TXN: variants seen among roughly 807,000 people sequenced by gnomAD.
TXN encodes the protein ADF.
In TXN, 10 loss-of-function variants were observed where a neutral mutation model predicts 16.5. That is an observed-to-expected ratio of 0.61 (90% CI 0.37 to 1.03). TXN has a LOEUF of 1.03. Among genes scored for constraint, TXN ranks in the 50% least tolerant of loss-of-function variants. TXN has a pLI of 0.01. For synonymous variants in TXN, 35 were observed against 39.4 expected, an observed-to-expected ratio of 0.89 and a Z score of 0.42; for missense variants, 71 against 122.5, an observed-to-expected ratio of 0.58 and a Z score of 1.98.
chr9:110,249,114 G>T (rs1457777754), intron 3 of TXN, among the ~76,000 whole-genome samples: 1 of 100,050 alleles, frequency 1.0e-5, no homozygotes, highest in African/African-American at 4.1e-5. Flanking sequence ...GTGACAGAGT[G>T]AACTCCATCT....
At chr9:110,255,550 A>G (rs1026625299) in intron 1 of TXN, among the ~76,000 whole-genome samples, 1 of 152,172 alleles carries the variant, frequency 6.6e-6, no homozygotes, top group African/African-American at 2.4e-5. Context: ...AAACCCACCG[A>G]CTGAGGGTGA....
intron 3 of TXN, among the ~76,000 whole-genome samples, chr9:110,249,024 A>T (rs1030551894): frequency 6.8e-6 from 1 of 146,474 alleles, no homozygotes; most frequent in African/African-American, 2.5e-5. Context: ...GCTACCCAGG[A>T]GGCTGAGACA....
At chr9:110,245,654 A>ATATATATATT (rs1232332404) in intron 3 of TXN, among the ~76,000 whole-genome samples, 1 of 21,784 alleles carries the variant, frequency 4.6e-5, no homozygotes, top group Non-Finnish European at 7.5e-5. Flanking sequence ...ATATATATAT[A>ATATATATATT]TTTTTTTTTT....
At chr9:110,252,245 A>AAAAAAAAAAAAAAAG (rs199937630) in intron 1 of TXN, among the ~76,000 whole-genome samples, 15 of 136,194 alleles carry the variant, frequency 1.1e-4, no homozygotes, top group East Asian at 2.4e-4. Context: ...AAAAAAAAAA[A>AAAAAAAAAAAAAAAG]GCTATGACTT....
chr9:110,249,845 G>A (rs1395463529), intron 3 of TXN, among the ~76,000 whole-genome samples: 2 of 152,184 alleles, frequency 1.3e-5, no homozygotes, highest in East Asian at 3.8e-4. Flanking sequence ...CAAGGAAGAG[G>A]AGTGACTGGC....
chr9:110,248,037 A>T (rs920617125), intron 3 of TXN, among the ~76,000 whole-genome samples: 3 of 152,206 alleles, frequency 2.0e-5, no homozygotes, highest in African/African-American at 7.2e-5. Context: ...AGTCTTTTTA[A>T]AAAAAGCTTA....
chr9:110,252,400 C>CTCATCACAAAG (rs989847349), intron 1 of TXN, among the ~76,000 whole-genome samples: 2 of 152,200 alleles, frequency 1.3e-5, no homozygotes. Context: ...TGAGATCACA[C>CTCATCACAAAG]GTTTACCAAC....
Position 110,244,236 on chromosome 9 carries a change from G to A in TXN, c.256-17C>T. ...TTCACCCACCTGTTAAGAGAATATT[G>A]AATTGACATTAGACGTAGCACTGTA... On this transcript the variant is annotated splice_polypyrimidine_tract_variant and intron_variant, in intron 4 of 4. Transcript: ENST00000374517. The A allele has an allele frequency of 6.6e-7, 1 of 1,505,504 alleles. No homozygotes were observed. Among genetic ancestry groups the A allele is most frequent in the Non-Finnish European group, 8.9e-7 (1 of 1,118,894 alleles). The allele number at this position is 1,505,504 out of a possible 1,614,324, so 93.3% of individuals were successfully genotyped here.
At chr9:110,247,775 A>C (rs1330994364) in intron 3 of TXN, among the ~76,000 whole-genome samples, 2 of 152,196 alleles carry the variant, frequency 1.3e-5, no homozygotes, top group Non-Finnish European at 2.9e-5. Flanking sequence ...ATTAATTTAG[A>C]GTGTACTCCT....
In TXN at chr9:110,256,376, G is replaced by A; in HGVS notation, c.24+36C>T. On this transcript the variant is annotated intron_variant, in intron 1 of 4. Coordinates refer to ENST00000374517, the MANE Select transcript of TXN (RefSeq NM_003329.4). The surrounding 1 kb of genome is among the most constrained non-coding windows in gnomAD (Gnocchi z 4.2). The stretch of plus-strand genomic sequence containing the variant: ...TTCCCCAGTTACAGAGGCCGCGCGC[G>A]GCGCCGGCACCCTGGCCTTCCCCGG... 2 of 1,596,908 alleles carry A rather than the reference G, an allele frequency of 1.3e-6. No individual in the cohort carries two copies. The highest frequency in any genetic ancestry group is 1.7e-6 in the Non-Finnish European group (2 of 1,172,178).
intron 3 of TXN, among the ~76,000 whole-genome samples, chr9:110,247,228 C>T (rs1837670713): frequency 6.6e-6 from 1 of 150,520 alleles, no homozygotes; most frequent in South Asian, 2.1e-4. Flanking sequence ...GAGGCTGAGG[C>T]AGAAGAATCG....
chr9:110,244,222 G>C lies in TXN; in HGVS notation c.256-3C>G. 1 of 1,540,236 alleles carries C rather than the reference G, an allele frequency of 6.5e-7. No individual in the cohort carries two copies. The highest frequency in any genetic ancestry group is 8.8e-7 in the Non-Finnish European group (1 of 1,141,310). ...TTGGCTCCAGAAAATTCACCCACCT[G>C]TTAAGAGAATATTGAATTGACATTA... On this transcript the variant is annotated splice_region_variant and splice_polypyrimidine_tract_variant and intron_variant, in intron 4 of 4. Coordinates refer to ENST00000374517, the MANE Select transcript of TXN (RefSeq NM_003329.4).
At position 110,245,034 on chromosome 9, in the gene TXN, C is replaced by T. The variant is rs374436704; in HGVS notation, c.190-191G>A. On this transcript the variant is annotated intron_variant, in intron 3 of 4. Transcript: ENST00000374517. Reference sequence around the variant, plus strand: ...TTACAAAAGCCAAACCGGTTATATTCTCAATGAAGAAGTTTTATTAATATT... The same window carrying T: ...TTACAAAAGCCAAACCGGTTATATTTTCAATGAAGAAGTTTTATTAATATT... The T allele has an allele frequency of 2.3e-4, 92 of 401,090 alleles. No individual in the cohort carries two copies. The African/African-American group carries it at 2.8e-3, about 12-fold the overall frequency. The allele number at this position is 401,090 out of a possible 1,614,324, so 24.8% of individuals were successfully genotyped here.
chr9:110,244,912 A>C, intron 3 of TXN, 69 bp from the exon 4 acceptor site: 1 of 1,327,980 alleles, frequency 7.5e-7, no homozygotes, highest in Non-Finnish European at 1.1e-6. Flanking sequence ...TGACAGAAGT[A>C]ATCCAAAACC....
intron 3 of TXN, among the ~76,000 whole-genome samples, chr9:110,245,627 TATATATATATATATATATATATATA>T (rs1837641390): frequency 4.8e-5 from 1 of 20,856 alleles, no homozygotes; most frequent in African/African-American, 2.7e-4. Flanking sequence ...ACTATATATA[TATATATATATATATATATATATATA>T]TATTTTTTTT....
At chr9:110,244,897 A>G (rs1837627285) in intron 3 of TXN, 54 bp from the exon 4 acceptor site, 2 of 1,462,584 alleles carry the variant, frequency 1.4e-6, no homozygotes, top group African/African-American at 2.8e-5. Flanking sequence ...GCGAGTACTG[A>G]GCTTTGACAG....
At position 110,256,049 on chromosome 9, in the gene TXN, A is replaced by G. The variant is rs1464399299; in HGVS notation, c.24+363T>C. Among the ~76,000 whole-genome samples, 1 of 152,170 alleles carries G rather than the reference A, an allele frequency of 6.6e-6. No individual in the cohort carries two copies. The highest frequency in any genetic ancestry group is 2.4e-5 in the African/African-American group (1 of 41,456). On this transcript the variant is annotated intron_variant, in intron 1 of 4. Transcript: ENST00000374517. The surrounding 1 kb of genome is among the most constrained non-coding windows in gnomAD (Gnocchi z 4.2). ...CGGGGCTGCCCGGACGGGAGGGTGC[A>G]GGAGGCGCAGCGTGGGGACTCCTCA...
chr9:110,251,770 C>T (rs1437271931), intron 1 of TXN, among the ~76,000 whole-genome samples: 2 of 151,892 alleles, frequency 1.3e-5, no homozygotes, highest in African/African-American at 4.8e-5. Flanking sequence ...TTTCTCTACA[C>T]CAAACAAAAG....
At position 110,244,873 on chromosome 9, in the gene TXN, T is replaced by A. The variant is rs1340950093; in HGVS notation, c.190-30A>T. 2.5e-6 allele frequency: 4 copies of A among 1,589,984 alleles called. No individual in the cohort carries two copies. In the East Asian group the frequency reaches 9.0e-5, roughly 36 times the overall value. On this transcript the variant is annotated intron_variant, in intron 3 of 4. Coordinates refer to ENST00000374517, the MANE Select transcript of TXN (RefSeq NM_003329.4). ...TAGGGAAAGTAGCAAAGGGAGAGGA[T>A]TAAATACAAGACTGCGAGTACTGAG...
Sources: allele counts gnomAD v4.1 joint callset (sites outside exome capture counted in the v4.1 genomes callset), GRCh38; gene constraint gnomAD v4.1.1; non-coding constraint Gnocchi (gnomAD v3.1); transcripts MANE v1.5; gene names NCBI Gene and HGNC (gene_info 2026-07-23, HGNC 2026-07-21).